Variants in CAMK4 observed in about 807,000 individuals in gnomAD.
CAMK4 encodes calcium/calmodulin dependent protein kinase IV.
CAMK4 carries 22 observed loss-of-function variants against 44.9 expected under a neutral mutation model. The observed-to-expected ratio is 0.49, with a 90% confidence interval of 0.35 to 0.70. The LOEUF (loss-of-function observed/expected upper bound fraction) is 0.70. CAMK4 is among the 30% of genes least tolerant of loss of function. CAMK4 has a pLI of 0.01. For synonymous variants in CAMK4, 218 were observed against 215.4 expected (o/e 1.01, Z -0.11); for missense variants, 498 against 586.8 (o/e 0.85, Z 1.56).
chr5:111,460,925 T>TA (rs1011298159), intron 7 of CAMK4, among the ~76,000 whole-genome samples: 1 of 152,046 alleles, frequency 6.6e-6, no homozygotes, highest in Non-Finnish European at 1.5e-5. Context: ...TATTTAAAAA[T>TA]AAAAAATAAG....
chr5:111,278,023 A>G (rs188061696), intron 1 of CAMK4, among the ~76,000 whole-genome samples: 1 of 152,346 alleles, frequency 6.6e-6, no homozygotes, highest in African/African-American at 2.4e-5. Flanking sequence ...TGGTAAAACT[A>G]TGCCATTGTA....
intron 1 of CAMK4, among the ~76,000 whole-genome samples, chr5:111,233,008 T>C (rs1748548658): frequency 6.6e-6 from 1 of 152,228 alleles, no homozygotes; most frequent in Non-Finnish European, 1.5e-5. Flanking sequence ...TGACATGTCA[T>C]TTATGACAGT....
intron 7 of CAMK4, among the ~76,000 whole-genome samples, chr5:111,464,150 A>C (rs551623445): frequency 2.0e-5 from 3 of 152,120 alleles, no homozygotes; most frequent in African/African-American, 7.2e-5. Flanking sequence ...AAACAATCAC[A>C]ACTTCTGGAA....
chr5:111,381,780 G>T (rs1027195596), intron 4 of CAMK4, among the ~76,000 whole-genome samples: 2 of 151,928 alleles, frequency 1.3e-5, no homozygotes, highest in African/African-American at 4.8e-5. Context: ...TTACCTGGAG[G>T]CTTGTCTGAC....
intron 5 of CAMK4, among the ~76,000 whole-genome samples, chr5:111,401,292 C>G (rs763274777): frequency 1.3e-5 from 2 of 152,164 alleles, no homozygotes; most frequent in Non-Finnish European, 2.9e-5. Flanking sequence ...GCATGCGACA[C>G]CATGCCTGGC....
intron 5 of CAMK4, among the ~76,000 whole-genome samples, chr5:111,414,758 A>C (rs2112902784): frequency 6.6e-6 from 1 of 152,300 alleles, no homozygotes; most frequent in Middle Eastern, 3.4e-3. Flanking sequence ...GAATAGAAAA[A>C]AGTCTGTTTA....
intron 6 of CAMK4, among the ~76,000 whole-genome samples, chr5:111,448,730 G>A (rs542308183): frequency 2.6e-5 from 4 of 152,154 alleles, no homozygotes; most frequent in Admixed American, 1.3e-4. Flanking sequence ...GCTTGAACCC[G>A]GGAGGCAGAG....
chr5:111,225,144 C>T (rs995828663), intron 1 of CAMK4, among the ~76,000 whole-genome samples: 1 of 152,186 alleles, frequency 6.6e-6, no homozygotes, highest in African/African-American at 2.4e-5. Flanking sequence ...CCTGCAGAGT[C>T]TGCTCAGGAG....
chr5:111,354,120 C>T (rs991938059), intron 2 of CAMK4, among the ~76,000 whole-genome samples: 6 of 152,032 alleles, frequency 3.9e-5, no homozygotes, highest in Admixed American at 3.3e-4. Flanking sequence ...AAAAAATAAT[C>T]CTGCCAATTG....
chr5:111,465,681 A>G (rs1328281527), intron 7 of CAMK4, among the ~76,000 whole-genome samples: 1 of 152,222 alleles, frequency 6.6e-6, no homozygotes, highest in Non-Finnish European at 1.5e-5. Flanking sequence ...TGAACAGACC[A>G]ATAAGAAGCA....
At chr5:111,291,231 T>C (rs1747239371) in intron 1 of CAMK4, among the ~76,000 whole-genome samples, 1 of 152,206 alleles carries the variant, frequency 6.6e-6, no homozygotes, top group South Asian at 2.1e-4. Context: ...TTCTCCTTTA[T>C]GATATCCTGT....
intron 5 of CAMK4, among the ~76,000 whole-genome samples, chr5:111,405,164 G>T (rs1239306983): frequency 6.6e-6 from 1 of 152,142 alleles, no homozygotes; most frequent in African/African-American, 2.4e-5. Context: ...AGTTGTATCT[G>T]AATTGGAGTT....
intron 1 of CAMK4, among the ~76,000 whole-genome samples, chr5:111,274,721 A>C (rs926765805): frequency 1.3e-5 from 2 of 152,142 alleles, no homozygotes; most frequent in Non-Finnish European, 1.5e-5. Context: ...CCATTTCCTT[A>C]CATCCTTGCT....
intron 1 of CAMK4, among the ~76,000 whole-genome samples, chr5:111,247,222 A>G (rs773100343): frequency 1.2e-4 from 18 of 150,862 alleles, no homozygotes; most frequent in Non-Finnish European, 1.9e-4. Flanking sequence ...AAATAGTAGG[A>G]TATAGCCTAG....
chr5:111,261,110 T>A (rs766842692), intron 1 of CAMK4, among the ~76,000 whole-genome samples: 15 of 152,204 alleles, frequency 9.9e-5, no homozygotes, highest in Non-Finnish European at 2.1e-4. Flanking sequence ...TCCAACCACT[T>A]TATCCTTAAA....
intron 1 of CAMK4, among the ~76,000 whole-genome samples, chr5:111,334,735 C>G (rs1187982150): frequency 6.6e-6 from 1 of 151,400 alleles, no homozygotes; most frequent in Non-Finnish European, 1.5e-5. Context: ...AACCTTTTCC[C>G]TAATGAGCAT....
intron 4 of CAMK4, among the ~76,000 whole-genome samples, chr5:111,381,408 C>T (rs1751407556): frequency 2.0e-5 from 3 of 152,154 alleles, no homozygotes; most frequent in Admixed American, 2.0e-4. Flanking sequence ...GCCAAAGACC[C>T]AAGAGCCCCT....
intron 1 of CAMK4, among the ~76,000 whole-genome samples, chr5:111,275,809 T>C (rs962995250): frequency 4.6e-5 from 7 of 152,240 alleles, no homozygotes; most frequent in East Asian, 1.9e-4. Flanking sequence ...AAAAGATTAA[T>C]GTTTGATGTG....
chr5:111,440,343 C>T (rs1490136349), intron 5 of CAMK4, among the ~76,000 whole-genome samples: 1 of 152,122 alleles, frequency 6.6e-6, no homozygotes, highest in Non-Finnish European at 1.5e-5. Flanking sequence ...ACTGGAAGTG[C>T]AACTGTTTAT....
Sources: allele counts gnomAD v4.1 joint callset (sites outside exome capture counted in the v4.1 genomes callset), GRCh38; gene constraint gnomAD v4.1.1; transcripts MANE v1.5; gene names NCBI Gene and HGNC (gene_info 2026-07-23, HGNC 2026-07-21).